The following RRM2 variants were observed in gnomAD, a reference collection of about 807,000 sequenced individuals.
RRM2 encodes the protein ribonucleotide reductase regulatory subunit M2, also known as ribonucleoside-diphosphate reductase subunit M2.
Under a neutral mutation model 45.9 loss-of-function variants are expected in RRM2, and 6 were observed. The observed-to-expected ratio is 0.13, with a 90% CI of 0.07 to 0.26. The LOEUF (loss-of-function observed/expected upper bound fraction) is 0.26, where lower values mean the gene tolerates loss of function less well. RRM2 is among the 10% of genes least tolerant of loss of function. RRM2 has a pLI of 1.00. For missense variants in RRM2, 343 were observed against 489.5 expected (o/e 0.70, Z 2.82); for synonymous variants, 177 against 173.0 (o/e 1.02, Z -0.18).
In RRM2 at chr2:10,123,501, G is replaced by A; in HGVS notation, c.289G>A (p.Ala97Thr). Residue 97 changes from alanine to threonine, a missense_variant, in exon 3 of 10, where the codon GCA becomes ACA. Ala to Thr is a moderately conservative substitution (Grantham distance 58). Transcript: ENST00000304567. ...YHDIWQMYKK[A>T]EASFWTAEEV... ...TGATATCTGGCAGATGTATAAGAAG[G>A]CAGAGGCTTCCTTTTGGACCGCCGA... 6.2e-7 allele frequency: 1 copy of A among 1,613,824 alleles called. No homozygotes were observed. The highest frequency in any genetic ancestry group is 8.5e-7 in the Non-Finnish European group (1 of 1,179,932).
intron 3 of RRM2, among the ~76,000 whole-genome samples, chr2:10,175,610 GT>G (rs1362376127): frequency 6.6e-6 from 1 of 152,068 alleles, no homozygotes; most frequent in Non-Finnish European, 1.5e-5. Context: ...TTTTATTTTA[GT>G]TTTTGAGACA....
downstream of RRM2, among the ~76,000 whole-genome samples, chr2:10,135,966 T>C (rs1056858666): frequency 2.0e-5 from 3 of 152,170 alleles, no homozygotes; most frequent in South Asian, 6.2e-4. Flanking sequence ...CATGTGTTTT[T>C]TTTTTATTCA....
intron 3 of RRM2, among the ~76,000 whole-genome samples, chr2:10,143,907 C>T (rs918075481): frequency 6.6e-6 from 1 of 152,190 alleles, no homozygotes; most frequent in Non-Finnish European, 1.5e-5. Flanking sequence ...ATCTTGTGAT[C>T]CGCCCGCCTT....
At chr2:10,164,861 C>T (rs894179695) in intron 3 of RRM2, among the ~76,000 whole-genome samples, 2 of 152,186 alleles carry the variant, frequency 1.3e-5, no homozygotes, top group East Asian at 1.9e-4. Context: ...TGCAGCCAGG[C>T]GCACGGGGGA....
rs138844800 is a variant in RRM2, at chr2:10,177,663, TTTCCTTCCTTCCTTCCTTCC to T, written n.483-32622_483-32603del. ...GATCCCTCCTGTTTGCTTCTTTCCT[TTTCCTTCCTTCCTTCCTTCC>T]TTCCTTCCTTCCTTCCTTCCTTCCT... On this transcript the variant is annotated intron_variant and non_coding_transcript_variant, in intron 3 of 3. Transcript: ENST00000381786. Among the ~76,000 whole-genome samples the T allele has an allele frequency of 2.5e-4, 35 of 141,248 alleles. 2 individuals carry two copies. The highest frequency in any genetic ancestry group is 1.3e-3 in the Admixed American group (19 of 14,126). 92.7% of individuals were successfully genotyped at this position (141,248 alleles called of 152,430 possible).
At chr2:10,207,300 C>T (rs1664681475) in intron 3 of RRM2, among the ~76,000 whole-genome samples, 1 of 152,182 alleles carries the variant, frequency 6.6e-6, no homozygotes, top group African/African-American at 2.4e-5. Context: ...ACCCAGCTGC[C>T]ACTGCATTTT....
rs1247308877 is a variant in RRM2 at position 10,177,702 on chromosome 2, C to CCTTCCTTCCTTCCTTCCTTT, written n.483-32603_483-32602insTCCTTCCTTCCTTTCTTCCT. Among the ~76,000 whole-genome samples the CCTTCCTTCCTTCCTTCCTTT allele has an allele frequency of 9.1e-4, 129 of 142,474 alleles. 1 individual carries two copies. Among genetic ancestry groups the CCTTCCTTCCTTCCTTCCTTT allele is most frequent in the African/African-American group, 3.4e-3 (127 of 37,588 alleles). 93.5% of individuals were successfully genotyped at this position (142,474 alleles called of 152,430 possible). ...TCCTTCCTTCCTTCCTTCCTTCCTT[C>CCTTCCTTCCTTCCTTCCTTT]CTTCCTCTCTCCCTCCCTCCCTCCC... On this transcript the variant is annotated intron_variant and non_coding_transcript_variant, in intron 3 of 3. Transcript: ENST00000381786.
At chr2:10,149,276 G>C (rs1176910092) in intron 3 of RRM2, among the ~76,000 whole-genome samples, 1 of 152,072 alleles carries the variant, frequency 6.6e-6, no homozygotes, top group Admixed American at 6.6e-5. Context: ...TTACAGGCTT[G>C]CGCCACCATG....
intron 1 of RRM2, chr2:10,141,782 G>A: frequency 1.9e-6 from 3 of 1,539,690 alleles, no homozygotes; most frequent in Non-Finnish European, 2.6e-6. Flanking sequence ...CATGGCCTGG[G>A]GCTGGGGCTG....
At chr2:10,150,787 T>TTTTTTTC (rs1553324049) in intron 3 of RRM2, among the ~76,000 whole-genome samples, 1 of 148,062 alleles carries the variant, frequency 6.8e-6, no homozygotes, top group Non-Finnish European at 1.5e-5. Flanking sequence ...TTTTTTTTTT[T>TTTTTTTC]TTTGATGTGG....
At position 10,206,197 on chromosome 2, in the gene RRM2, G is replaced by T. The variant is rs372790218; in HGVS notation, n.483-4114G>T. ...GGAGGCGGAGCTTGCAGTGAGCTGA[G>T]ATCGCACCACTGTACTCCAGCCTGG... is the stretch of plus-strand genomic sequence containing the variant. On this transcript the variant is annotated intron_variant and non_coding_transcript_variant, in intron 3 of 3. Transcript: ENST00000381786. 8.8e-5 allele frequency among the ~76,000 whole-genome samples: 13 copies of T among 147,814 alleles called. No homozygotes were observed. In the East Asian group the frequency reaches 2.6e-3, roughly 30 times the overall value.
chr2:10,148,143 CAAAAAAAAAA>C (rs374826185), intron 3 of RRM2, among the ~76,000 whole-genome samples: 33 of 119,566 alleles, frequency 2.8e-4, no homozygotes, highest in Non-Finnish European at 5.4e-4. Flanking sequence ...GACCCTGACT[CAAAAAAAAAA>C]AAAAAAAAAA....
At chr2:10,125,185 G>A (rs1180214050) in intron 5 of RRM2, among the ~76,000 whole-genome samples, 1 of 152,252 alleles carries the variant, frequency 6.6e-6, no homozygotes, top group Non-Finnish European at 1.5e-5. Context: ...AGAATGTGGG[G>A]CTGCAGTGGG....
intron 3 of RRM2, among the ~76,000 whole-genome samples, chr2:10,157,016 CTTTT>C (rs71391198): frequency 1.2e-4 from 10 of 85,926 alleles, no homozygotes; most frequent in Admixed American, 3.4e-4. Flanking sequence ...CAGCCCATTT[CTTTT>C]TTTTTTTTTT....
chr2:10,143,059 G>A (rs554245409), intron 3 of RRM2, among the ~76,000 whole-genome samples: 1 of 152,284 alleles, frequency 6.6e-6, no homozygotes, highest in South Asian at 2.1e-4. Context: ...ATTTTTAGTA[G>A]AGACAGAGTT....
Position 10,122,861 on chromosome 2 carries a change from G to A in RRM2, c.63G>A (p.Pro21=), listed in dbSNP as rs776333821. The change falls in exon 1 of 10, where the codon CCG becomes CCA. Residue 21 remains proline, a synonymous_variant. Transcript: ENST00000304567. ...ACCCGCAGCAGCTGCAGCTCTCGCCGCTGAAGGGGCTCAGCTTGGTCGACA... is the reference window on the plus strand; with the variant it reads ...ACCCGCAGCAGCTGCAGCTCTCGCCACTGAAGGGGCTCAGCTTGGTCGACA... ...ITDPQQLQLS[P]LKGLSLVDKE... 3.1e-6 allele frequency: 5 copies of A among 1,600,016 alleles called. No homozygotes were observed. Among genetic ancestry groups the A allele is most frequent in the South Asian group, 2.3e-5 (2 of 88,750 alleles).
At chr2:10,188,348 A>G (rs955006522) in intron 3 of RRM2, among the ~76,000 whole-genome samples, 17 of 152,184 alleles carry the variant, frequency 1.1e-4, no homozygotes, top group African/African-American at 4.1e-4. Context: ...AGGCGTTGGT[A>G]GACTCAGTTT....
At chr2:10,163,936 T>A (rs1247370351) in intron 3 of RRM2, among the ~76,000 whole-genome samples, 1 of 152,218 alleles carries the variant, frequency 6.6e-6, no homozygotes, top group Non-Finnish European at 1.5e-5. Flanking sequence ...CCCGTTGTTC[T>A]TCCTATGGCA....
At chr2:10,194,901 T>C (rs4668668) in intron 3 of RRM2, among the ~76,000 whole-genome samples, 147,227 of 152,256 alleles carry the variant, frequency 0.97, 71,223 homozygotes, top group East Asian at 1. Context: ...GAGGCTGCCT[T>C]GTGCCTGATC....
Sources: gnomAD v4.1 joint callset for allele counts (sites outside exome capture counted in the v4.1 genomes callset) on GRCh38, gnomAD v4.1.1 for gene constraint, MANE v1.5 for transcripts, NCBI Gene and HGNC (gene_info 2026-07-23, HGNC 2026-07-21) for gene names.